The following ERAP1 variants were observed in gnomAD, a reference collection of about 807,000 sequenced individuals.
The protein encoded by ERAP1 is endoplasmic reticulum aminopeptidase 1.
ERAP1 carries 86 observed loss-of-function variants against 103.7 expected under a neutral mutation model. That is an observed-to-expected ratio of 0.83 (90% CI 0.70 to 0.99). The LOEUF is 0.99. ERAP1 is among the 50% of genes least tolerant of loss of function. The pLI, the probability that ERAP1 is intolerant of heterozygous loss-of-function variation, is 0.00. For missense variants in ERAP1, 1,009 were observed against 1,128.4 expected (o/e 0.89, Z 1.52); for synonymous variants, 398 against 402.4 (o/e 0.99, Z 0.13).
chr5:96,926,111 C>T, the ERAP1 span, among the ~76,000 whole-genome samples: 2 of 152,104 alleles, frequency 1.3e-5, no homozygotes, highest in African/African-American at 4.8e-5. Flanking sequence ...GGGGTTTCAC[C>T]GTGTTAGCCA....
At chr5:96,879,216 CCT>C in the ERAP1 span, among the ~76,000 whole-genome samples, 2 of 152,090 alleles carry the variant, frequency 1.3e-5, no homozygotes, top group Non-Finnish European at 2.9e-5. Flanking sequence ...AGAGCAAGAC[CCT>C]GTCTAAAACA....
the ERAP1 span, chr5:96,879,859 T>C: frequency 3.1e-6 from 5 of 1,614,086 alleles, no homozygotes; most frequent in Non-Finnish European, 4.2e-6. Flanking sequence ...TAGCCACTAA[T>C]GGGGAACGAT....
chr5:96,881,204 T>C, the ERAP1 span: 4 of 345,924 alleles, frequency 1.2e-5, no homozygotes, highest in African/African-American at 8.6e-5. Context: ...GATTTATGCT[T>C]TATAAAGATC....
chr5:96,914,773 T>C, the ERAP1 span, among the ~76,000 whole-genome samples: 5 of 152,154 alleles, frequency 3.3e-5, no homozygotes, highest in Admixed American at 6.5e-5. Context: ...CCAAGTAACA[T>C]TGCCCCACTA....
At chr5:96,902,537 TGGG>T in the ERAP1 span, 2 of 519,252 alleles carry the variant, frequency 3.9e-6, no homozygotes, top group Non-Finnish European at 6.9e-6. Context: ...TTTCATTCAG[TGGG>T]AAGTTCTCTT....
downstream of ERAP1, chr5:96,770,628 A>G (rs764674553): frequency 1.4e-6 from 2 of 1,472,480 alleles, no homozygotes; most frequent in Non-Finnish European, 1.9e-6. Context: ...AATATACTAC[A>G]AATTAGTTTA....
At chr5:96,892,682 C>T in the ERAP1 span, among the ~76,000 whole-genome samples, 2 of 152,092 alleles carry the variant, frequency 1.3e-5, no homozygotes, top group African/African-American at 4.8e-5. Flanking sequence ...CCTCTAAAAC[C>T]TTTCAAAGCA....
chr5:96,792,863 A>AAT (rs1213079130), intron 7 of ERAP1, among the ~76,000 whole-genome samples: 1 of 152,202 alleles, frequency 6.6e-6, no homozygotes, highest in Non-Finnish European at 1.5e-5. Flanking sequence ...AGGATAAAAA[A>AAT]ATTTTTACAT....
the ERAP1 span, among the ~76,000 whole-genome samples, chr5:96,847,698 T>G: frequency 6.6e-6 from 1 of 151,984 alleles, no homozygotes; most frequent in Admixed American, 6.6e-5. Context: ...TATGTGGAAA[T>G]TAAACAGTAG....
At chr5:96,917,357 T>G in the ERAP1 span, 1 of 1,030,326 alleles carries the variant, frequency 9.7e-7, no homozygotes, top group East Asian at 2.6e-5. Flanking sequence ...CTGAGCTCAA[T>G]TGATCTGCCC....
the ERAP1 span, among the ~76,000 whole-genome samples, chr5:96,926,491 T>A: frequency 6.6e-6 from 1 of 152,188 alleles, no homozygotes; most frequent in African/African-American, 2.4e-5. Context: ...TCTAAGGAAA[T>A]CACTAATCTA....
chr5:96,806,770 T>C (rs1411223088), intron 1 of ERAP1, among the ~76,000 whole-genome samples: 2 of 151,224 alleles, frequency 1.3e-5, no homozygotes, highest in Non-Finnish European at 2.9e-5. Context: ...CATCAAGAAG[T>C]AATTGAGGTT....
the ERAP1 span, chr5:96,917,569 T>C: frequency 1.2e-6 from 2 of 1,613,822 alleles, no homozygotes; most frequent in Non-Finnish European, 1.7e-6. Flanking sequence ...AGAAGAATCT[T>C]CCGACTCTGA....
chr5:96,795,202 C>A, intron 4 of ERAP1, 40 bp from the exon 5 acceptor site: 2 of 1,609,414 alleles, frequency 1.2e-6, no homozygotes, highest in Non-Finnish European at 1.7e-6. Context: ...AATATCTTAA[C>A]TGGCTTCTCT....
intron 15 of ERAP1, 39 bp from the exon 16 acceptor site, chr5:96,781,893 A>G (rs912139879): frequency 5.6e-6 from 9 of 1,607,418 alleles, no homozygotes; most frequent in African/African-American, 1.3e-5. Flanking sequence ...TCTGAGGTGC[A>G]GTAAGTATGT....
the ERAP1 span, among the ~76,000 whole-genome samples, chr5:96,858,427 C>T: frequency 1.3e-5 from 2 of 152,026 alleles, no homozygotes; most frequent in Admixed American, 6.6e-5. Context: ...GTTGGCCAGG[C>T]CTCAAGTGAT....
At chr5:96,840,484 C>A in the ERAP1 span, among the ~76,000 whole-genome samples, 1 of 152,172 alleles carries the variant, frequency 6.6e-6, no homozygotes, top group South Asian at 2.1e-4. Flanking sequence ...AGTCTAATAA[C>A]AATAGCCTAC....
At chr5:96,865,464 A>C in the ERAP1 span, among the ~76,000 whole-genome samples, 6 of 152,200 alleles carry the variant, frequency 3.9e-5, no homozygotes, top group African/African-American at 1.4e-4. Context: ...TTTGCTTAAC[A>C]TTAGCAAGCT....
At position 96,775,936 on chromosome 5, in the gene ERAP1, C is replaced by CG; in HGVS notation, c.*459dup. On this transcript the variant is annotated 3_prime_UTR_variant, in exon 19 of 19. Transcript: ENST00000443439. Reference sequence around the variant, plus strand: ...TGGAGCAAGGAAGAGGGATGGGCAGCGGGTCTGGAGGGGTGAGCCGGGAGA... The same window carrying CG: ...TGGAGCAAGGAAGAGGGATGGGCAGCGGGGTCTGGAGGGGTGAGCCGGGAGA... 1 of 1,020,002 alleles carries CG rather than the reference C, an allele frequency of 9.8e-7. No homozygotes were observed. The highest frequency in any genetic ancestry group is 1.2e-6 in the Non-Finnish European group (1 of 848,576). The allele number at this position is 1,020,002 out of a possible 1,614,324, so 63.2% of individuals were successfully genotyped here. A position where few individuals can be genotyped will look rare whatever the true frequency, so the allele number is the denominator to read the frequency against.
Sources: gnomAD v4.1 joint callset for allele counts (sites outside exome capture counted in the v4.1 genomes callset) on GRCh38, gnomAD v4.1.1 for gene constraint, MANE v1.5 for transcripts, NCBI Gene and HGNC (gene_info 2026-07-23, HGNC 2026-07-21) for gene names.